BANK1: variants seen among roughly 807,000 people sequenced by gnomAD.
BANK1 encodes B cell scaffold protein with ankyrin repeats 1.
Under a neutral mutation model 94.5 loss-of-function variants are expected in BANK1, and 95 were observed. The observed-to-expected ratio is 1.00, with a 90% CI of 0.85 to 1.19. BANK1 has a LOEUF of 1.19. Ranked by LOEUF, BANK1 falls within the 50% of genes most tolerant of loss-of-function variation. BANK1 has a pLI of 0.00. For synonymous variants in BANK1, 334 were observed against 308.4 expected (o/e 1.08, Z -0.87); for missense variants, 987 against 932.2 (o/e 1.06, Z -0.77).
intron 7 of BANK1, among the ~76,000 whole-genome samples, chr4:101,977,885 T>G (rs991480105): frequency 6.6e-6 from 1 of 152,200 alleles, no homozygotes; most frequent in African/African-American, 2.4e-5. Flanking sequence ...ATCAAATATT[T>G]CTTCCTCAAA....
At chr4:101,939,522 C>A (rs902705740) in intron 7 of BANK1, among the ~76,000 whole-genome samples, 1 of 151,738 alleles carries the variant, frequency 6.6e-6, no homozygotes, top group Non-Finnish European at 1.5e-5. Flanking sequence ...TACCTGGAAA[C>A]GTGTTTCTGA....
chr4:101,851,008 TGAAA>T (rs1159331819), intron 2 of BANK1, among the ~76,000 whole-genome samples: 3 of 152,024 alleles, frequency 2.0e-5, no homozygotes, highest in African/African-American at 4.8e-5. Context: ...AGTGTTCAAG[TGAAA>T]GAAAGAGTCA....
intron 11 of BANK1, among the ~76,000 whole-genome samples, chr4:102,044,264 G>C (rs995360521): frequency 6.6e-6 from 1 of 152,046 alleles, no homozygotes; most frequent in African/African-American, 2.4e-5. Context: ...TCCCACCTAT[G>C]AGTGAGAACA....
chr4:101,941,374 C>T (rs1723736806), intron 7 of BANK1, among the ~76,000 whole-genome samples: 1 of 151,776 alleles, frequency 6.6e-6, no homozygotes, highest in South Asian at 2.1e-4. Context: ...GCTAGAGGTG[C>T]TCACTGCTAC....
intron 11 of BANK1, among the ~76,000 whole-genome samples, chr4:102,053,701 A>G (rs1232462957): frequency 1.3e-5 from 2 of 151,900 alleles, no homozygotes; most frequent in Admixed American, 6.6e-5. Flanking sequence ...ACTGAAGTAA[A>G]CTTAAATAAT....
intron 7 of BANK1, among the ~76,000 whole-genome samples, chr4:102,020,212 A>G (rs1160434635): frequency 6.6e-6 from 1 of 152,130 alleles, no homozygotes; most frequent in African/African-American, 2.4e-5. Context: ...TGGGAGTACT[A>G]TGGGTTTTCA....
chr4:101,806,351 A>C (rs200691793), intron 1 of BANK1, among the ~76,000 whole-genome samples: 1 of 152,032 alleles, frequency 6.6e-6, no homozygotes, highest in African/African-American at 2.4e-5. Context: ...ATGTTTAAAA[A>C]AAAATAAAAA....
At chr4:101,937,325 G>A (rs1020251156) in intron 7 of BANK1, among the ~76,000 whole-genome samples, 11 of 151,758 alleles carry the variant, frequency 7.2e-5, no homozygotes, top group Non-Finnish European at 1.3e-4. Flanking sequence ...GAAAATTTTT[G>A]CAATCTATCC....
chr4:101,793,552 C>T (rs1159996154), intron 1 of BANK1, among the ~76,000 whole-genome samples: 2 of 152,160 alleles, frequency 1.3e-5, no homozygotes, highest in Admixed American at 6.5e-5. Flanking sequence ...ACCTTTTCTG[C>T]AATATCTATC....
chr4:101,861,146 C>T (rs528757391), intron 3 of BANK1, among the ~76,000 whole-genome samples: 188 of 152,232 alleles, frequency 1.2e-3, no homozygotes, highest in Non-Finnish European at 1.8e-3. Context: ...GATCCTTTCC[C>T]GATGAGCGTT....
intron 15 of BANK1, 103 bp downstream of exon 15, chr4:102,072,503 C>T (rs530551545): frequency 1.2e-6 from 1 of 814,678 alleles, no homozygotes; most frequent in African/African-American, 1.8e-5. Context: ...GACATTCTAA[C>T]AGATATGAAC....
chr4:101,832,986 C>CT lies in BANK1; in HGVS notation c.469+2790dup, dbSNP rs1482964042. ...ATTCTATGCTTGTTCAGGTTTCTTTCTTTTTTTTTTGAGACGGAGTTTTGC... is the reference window on the plus strand; with the variant it reads ...ATTCTATGCTTGTTCAGGTTTCTTTCTTTTTTTTTTTGAGACGGAGTTTTGC... On this transcript the variant is annotated intron_variant, in intron 2 of 16. Transcript: ENST00000322953. Among the ~76,000 whole-genome samples the CT allele has an allele frequency of 3.1e-3, 438 of 142,252 alleles. 1 individual carries two copies. The highest frequency in any genetic ancestry group is 0.01 in the African/African-American group (401 of 38,874). The allele number at this position is 142,252 out of a possible 152,430, so 93.3% of individuals were successfully genotyped here.
intron 10 of BANK1, among the ~76,000 whole-genome samples, chr4:102,042,405 G>T (rs943930522): frequency 6.6e-6 from 1 of 151,986 alleles, no homozygotes; most frequent in South Asian, 2.1e-4. Context: ...ATGATTTTAT[G>T]TGTATACTTT....
intron 3 of BANK1, among the ~76,000 whole-genome samples, chr4:101,859,059 T>C (rs1727780168): frequency 6.6e-6 from 1 of 152,202 alleles, no homozygotes; most frequent in African/African-American, 2.4e-5. Context: ...TTTAAAACAG[T>C]GTACAAAAGC....
chr4:101,923,175 T>C (rs1193238035), intron 7 of BANK1, among the ~76,000 whole-genome samples: 1 of 151,802 alleles, frequency 6.6e-6, no homozygotes, highest in African/African-American at 2.4e-5. Context: ...GCATTCACCT[T>C]ATTTTCTGTT....
At chr4:101,989,783 G>A (rs903150619) in intron 7 of BANK1, among the ~76,000 whole-genome samples, 21 of 152,126 alleles carry the variant, frequency 1.4e-4, no homozygotes, top group African/African-American at 4.1e-4. Context: ...TGCCAGAGAC[G>A]TGATGTCATG....
At chr4:101,943,894 C>T (rs1723835588) in intron 7 of BANK1, among the ~76,000 whole-genome samples, 2 of 151,728 alleles carry the variant, frequency 1.3e-5, no homozygotes, top group Admixed American at 1.3e-4. Context: ...TAGGTACTTA[C>T]CATCTTTAGT....
At position 102,073,611 on chromosome 4, in the gene BANK1, C is replaced by G. The variant is rs990327460; in HGVS notation, c.2299-73C>G. 3 of 1,380,236 alleles carry G rather than the reference C, an allele frequency of 2.2e-6. No homozygotes were observed. In the African/African-American group the frequency reaches 4.4e-5, roughly 20 times the overall value. The allele number at this position is 1,380,236 out of a possible 1,614,324, so 85.5% of individuals were successfully genotyped here. On this transcript the variant is annotated intron_variant, in intron 15 of 16. Transcript: ENST00000322953. ...CTGTGAAAGGCAACTATAACTTTGTCATATTTCTTTGTTCAACCTTAAAAT... is the reference window on the plus strand; with the variant it reads ...CTGTGAAAGGCAACTATAACTTTGTGATATTTCTTTGTTCAACCTTAAAAT...
intron 6 of BANK1, among the ~76,000 whole-genome samples, chr4:101,909,786 A>G (rs1722599018): frequency 6.6e-6 from 1 of 152,218 alleles, no homozygotes; most frequent in East Asian, 1.9e-4. Context: ...AAATATATAT[A>G]ATTTTTATTT....
Sources: gnomAD v4.1 joint callset for allele counts (sites outside exome capture counted in the v4.1 genomes callset) on GRCh38, gnomAD v4.1.1 for gene constraint, MANE v1.5 for transcripts, NCBI Gene and HGNC (gene_info 2026-07-23, HGNC 2026-07-21) for gene names.